Variants in SLC4A4 observed in about 807,000 individuals in gnomAD.
SLC4A4 encodes solute carrier family 4 member 4, also known as electrogenic sodium bicarbonate cotransporter 1.
In SLC4A4, 27 loss-of-function variants were observed where a neutral mutation model predicts 111.5. The observed-to-expected ratio is 0.24, with a 90% CI of 0.18 to 0.33. The LOEUF (loss-of-function observed/expected upper bound fraction) is 0.33, where lower values mean the gene tolerates loss of function less well. Ranked by LOEUF, SLC4A4 falls within the 10% of genes least tolerant of loss-of-function variation. The pLI, the probability that SLC4A4 is intolerant of heterozygous loss-of-function variation, is 1.00. For synonymous variants in SLC4A4, 443 were observed against 463.4 expected (o/e 0.96, Z 0.57); for missense variants, 909 against 1,315.5 (o/e 0.69, Z 4.78).
intron 19 of SLC4A4, 87 bp downstream of exon 19, chr4:71,546,615 G>A (rs1337961418): frequency 2.7e-6 from 3 of 1,116,686 alleles, no homozygotes; most frequent in East Asian, 2.5e-5. Flanking sequence ...CAGATTTGGA[G>A]GAGACAGGGC....
intron 18 of SLC4A4, 71 bp from the exon 19 acceptor site, chr4:71,546,279 C>A: frequency 7.5e-7 from 1 of 1,335,470 alleles, no homozygotes; most frequent in Non-Finnish European, 1.1e-6. Flanking sequence ...ATCTTAATTC[C>A]CCTCTGGAAA....
chr4:71,317,022 C>T (rs1397965722), intron 3 of SLC4A4, among the ~76,000 whole-genome samples: 2 of 151,712 alleles, frequency 1.3e-5, no homozygotes. Context: ...GTCAGGCTCA[C>T]ATGTGTTTAT....
chr4:71,404,424 C>T (rs1720648732), intron 7 of SLC4A4, among the ~76,000 whole-genome samples: 1 of 152,198 alleles, frequency 6.6e-6, no homozygotes, highest in Non-Finnish European at 1.5e-5. Context: ...TGCACTGCAT[C>T]CCTGTATTCA....
At chr4:71,511,913 C>T (rs183669130) in intron 16 of SLC4A4, among the ~76,000 whole-genome samples, 30 of 152,180 alleles carry the variant, frequency 2.0e-4, no homozygotes, top group African/African-American at 6.7e-4. Context: ...CAATGACCTT[C>T]GGTTTTATCC....
chr4:71,115,853 T>C (rs952517433), intron 2 of SLC4A4, among the ~76,000 whole-genome samples: 1 of 152,184 alleles, frequency 6.6e-6, no homozygotes, highest in Non-Finnish European at 1.5e-5. Flanking sequence ...TAGATAACTT[T>C]CCATTTAAAA....
At chr4:71,133,313 C>T (rs1249059431) in intron 2 of SLC4A4, among the ~76,000 whole-genome samples, 1 of 152,176 alleles carries the variant, frequency 6.6e-6, no homozygotes, top group Non-Finnish European at 1.5e-5. Flanking sequence ...CACCATGAAA[C>T]TCTGGTTTAA....
At chr4:71,396,825 A>G (rs1372879774) in intron 6 of SLC4A4, among the ~76,000 whole-genome samples, 1 of 152,190 alleles carries the variant, frequency 6.6e-6, no homozygotes, top group Non-Finnish European at 1.5e-5. Flanking sequence ...GACAGCTGCT[A>G]TATGGTCAGG....
At chr4:71,439,467 A>AAAAAAAAG (rs1724497677) in intron 7 of SLC4A4, among the ~76,000 whole-genome samples, 1 of 135,430 alleles carries the variant, frequency 7.4e-6, no homozygotes. Flanking sequence ...AAAAAAAAAA[A>AAAAAAAAG]AAAAGAAAAG....
intron 16 of SLC4A4, among the ~76,000 whole-genome samples, chr4:71,508,621 C>G (rs1162825157): frequency 6.6e-6 from 1 of 152,070 alleles, no homozygotes; most frequent in East Asian, 1.9e-4. Flanking sequence ...TAATAAGTAG[C>G]CCAACAACCC....
intron 1 of SLC4A4, among the ~76,000 whole-genome samples, chr4:71,079,150 T>C (rs1741923998): frequency 6.6e-6 from 1 of 152,138 alleles, no homozygotes; most frequent in South Asian, 2.1e-4. Flanking sequence ...AGGTCATGAA[T>C]AGTTATTCCC....
In SLC4A4 at chr4:71,292,138, A is replaced by T. The variant is rs527961270; in HGVS notation, c.253+36739A>T. Among the ~76,000 whole-genome samples, 8 of 152,378 alleles carry T rather than the reference A, an allele frequency of 5.3e-5. No individual in the cohort carries two copies. In the South Asian group the frequency reaches 1.7e-3, roughly 32 times the overall value. On this transcript the variant is annotated intron_variant, in intron 3 of 25. Coordinates refer to ENST00000264485, the MANE Select transcript of SLC4A4 (RefSeq NM_001098484.3). Reference sequence around the variant, plus strand: ...TTTATCTTCGATTCAACTAATTAGCAGTAGTCTCAATTATAAAACCTGAAT... The same window carrying T: ...TTTATCTTCGATTCAACTAATTAGCTGTAGTCTCAATTATAAAACCTGAAT...
chr4:71,254,400 A>G (rs1721289567), intron 2 of SLC4A4, among the ~76,000 whole-genome samples: 1 of 152,116 alleles, frequency 6.6e-6, no homozygotes, highest in South Asian at 2.1e-4. Flanking sequence ...AAAGCATTTC[A>G]CAATCTTTTT....
intron 18 of SLC4A4, among the ~76,000 whole-genome samples, chr4:71,542,713 G>A (rs1168546452): frequency 1.3e-5 from 2 of 152,000 alleles, no homozygotes; most frequent in Non-Finnish European, 2.9e-5. Flanking sequence ...ACCCCTCCTG[G>A]ATGCTTTCTT....
chr4:71,143,885 A>C (rs907672134), intron 2 of SLC4A4, among the ~76,000 whole-genome samples: 2 of 152,010 alleles, frequency 1.3e-5, no homozygotes, highest in Non-Finnish European at 2.9e-5. Context: ...ATTTTCTCCC[A>C]TTCTGTAGGT....
intron 2 of SLC4A4, among the ~76,000 whole-genome samples, chr4:71,177,671 T>A (rs1021868969): frequency 2.6e-5 from 4 of 152,154 alleles, no homozygotes; most frequent in African/African-American, 9.7e-5. Context: ...GCACCCAGAT[T>A]CATAAAGCAC....
At chr4:71,558,428 TG>T (rs1277109691) in intron 22 of SLC4A4, among the ~76,000 whole-genome samples, 2 of 151,882 alleles carry the variant, frequency 1.3e-5, no homozygotes, top group African/African-American at 4.8e-5. Context: ...AAAGATAAGG[TG>T]GGACTCTCTA....
intron 1 of SLC4A4, among the ~76,000 whole-genome samples, chr4:71,204,548 G>A (rs1465499780): frequency 6.6e-6 from 1 of 151,980 alleles, no homozygotes; most frequent in East Asian, 1.9e-4. Flanking sequence ...TCATCATTTT[G>A]CAATACTATT....
chr4:71,295,821 G>C (rs1250466260), intron 3 of SLC4A4, among the ~76,000 whole-genome samples: 1 of 151,950 alleles, frequency 6.6e-6, no homozygotes, highest in Non-Finnish European at 1.5e-5. Context: ...ACCATGCCTG[G>C]CTAATTTTTG....
intron 1 of SLC4A4, among the ~76,000 whole-genome samples, chr4:71,219,203 G>T (rs773391652): frequency 6.6e-6 from 1 of 152,186 alleles, no homozygotes. Flanking sequence ...GCCTCTTGCC[G>T]CAATCGTTAG....
Sources: allele counts gnomAD v4.1 joint callset (sites outside exome capture counted in the v4.1 genomes callset), GRCh38; gene constraint gnomAD v4.1.1; transcripts MANE v1.5; gene names NCBI Gene and HGNC (gene_info 2026-07-23, HGNC 2026-07-21).